Variants in FAM227B observed in about 807,000 individuals in gnomAD.
The protein encoded by FAM227B is family with sequence similarity 227 member B.
In FAM227B, 88 loss-of-function variants were observed where a neutral mutation model predicts 73.8. That is an observed-to-expected ratio of 1.19 (90% confidence interval 1.00 to 1.42). The LOEUF (loss-of-function observed/expected upper bound fraction) is 1.42, where lower values mean the gene tolerates loss of function less well. Ranked by LOEUF, FAM227B falls within the 40% of genes most tolerant of loss-of-function variation. The pLI is 0.00. For synonymous variants in FAM227B, 210 were observed against 190.5 expected, an observed-to-expected ratio of 1.10 and a Z score of -0.84; for missense variants, 632 against 590.9, an observed-to-expected ratio of 1.07 and a Z score of -0.72.
chr15:49,510,176 C>T (rs1365191657), intron 10 of FAM227B, among the ~76,000 whole-genome samples: 1 of 152,110 alleles, frequency 6.6e-6, no homozygotes, highest in African/African-American at 2.4e-5. Flanking sequence ...ACCATCCTAT[C>T]CCATTATCAC....
intron 11 of FAM227B, among the ~76,000 whole-genome samples, chr15:49,430,440 A>C (rs1483611740): frequency 1.3e-5 from 2 of 151,888 alleles, no homozygotes; most frequent in Non-Finnish European, 2.9e-5. Flanking sequence ...CAGAGGTTTA[A>C]GGAGACAACC....
At chr15:49,421,165 C>G (rs1337298414) in intron 11 of FAM227B, among the ~76,000 whole-genome samples, 3 of 152,180 alleles carry the variant, frequency 2.0e-5, no homozygotes, top group Non-Finnish European at 4.4e-5. Flanking sequence ...TAACTTAAAA[C>G]ATCCAGAGGG....
At chr15:49,488,355 A>G (rs1440128302) in intron 11 of FAM227B, 2 of 151,978 alleles carry the variant, frequency 1.3e-5, no homozygotes, top group Non-Finnish European at 2.9e-5. Flanking sequence ...TCAGGGACAC[A>G]TATACTCCCA....
intron 5 of FAM227B, among the ~76,000 whole-genome samples, chr15:49,584,280 T>C (rs2076005313): frequency 6.6e-6 from 1 of 152,178 alleles, no homozygotes; most frequent in Non-Finnish European, 1.5e-5. Context: ...ATTATCTCAA[T>C]AGATGCAGAA....
intron 1 of FAM227B, among the ~76,000 whole-genome samples, chr15:49,618,370 G>GA (rs1299700242): frequency 2.6e-5 from 4 of 151,920 alleles, no homozygotes; most frequent in Admixed American, 6.6e-5. Flanking sequence ...TATCTGTAAG[G>GA]AAAAAAAATC....
At chr15:49,410,518 G>A (rs986686461) in intron 11 of FAM227B, among the ~76,000 whole-genome samples, 2 of 151,958 alleles carry the variant, frequency 1.3e-5, no homozygotes, top group African/African-American at 4.8e-5. Context: ...CATAAGTTGT[G>A]TCATTTCAAT....
At chr15:49,558,896 A>G (rs1235746756) in intron 9 of FAM227B, among the ~76,000 whole-genome samples, 1 of 152,060 alleles carries the variant, frequency 6.6e-6, no homozygotes, top group Non-Finnish European at 1.5e-5. Context: ...ACCAGAACCA[A>G]AACTCACTCA....
At chr15:49,461,709 G>A (rs535021074) in intron 11 of FAM227B, among the ~76,000 whole-genome samples, 1 of 152,220 alleles carries the variant, frequency 6.6e-6, no homozygotes, top group South Asian at 2.1e-4. Context: ...TTATTTTTTT[G>A]AGGAAAAATT....
chr15:49,595,810 G>T (rs1349510775), intron 3 of FAM227B, among the ~76,000 whole-genome samples: 1 of 151,690 alleles, frequency 6.6e-6, no homozygotes, highest in Non-Finnish European at 1.5e-5. Flanking sequence ...TTAGAAAAAC[G>T]CAAAAGACAT....
intron 13 of FAM227B, among the ~76,000 whole-genome samples, chr15:49,350,615 T>C (rs977428186): frequency 4.6e-5 from 7 of 152,186 alleles, no homozygotes; most frequent in African/African-American, 9.7e-5. Context: ...AAATGGTTCA[T>C]CTCTTAAAAC....
intron 9 of FAM227B, among the ~76,000 whole-genome samples, chr15:49,567,398 G>T (rs1322137589): frequency 2.0e-5 from 3 of 152,026 alleles, no homozygotes; most frequent in Non-Finnish European, 4.4e-5. Context: ...AGCATATTCT[G>T]GACATGAAGC....
intron 11 of FAM227B, among the ~76,000 whole-genome samples, chr15:49,426,028 T>C: frequency 6.6e-6 from 1 of 151,602 alleles, no homozygotes; most frequent in South Asian, 2.1e-4. Flanking sequence ...CAATATTATA[T>C]ATTATCATGG....
At chr15:49,586,008 C>T (rs933357771) in intron 5 of FAM227B, among the ~76,000 whole-genome samples, 3 of 152,094 alleles carry the variant, frequency 2.0e-5, no homozygotes, top group Admixed American at 6.6e-5. Context: ...TCACATTATT[C>T]ACAGAACTAG....
intron 11 of FAM227B, among the ~76,000 whole-genome samples, chr15:49,407,614 C>T (rs888679033): frequency 3.4e-5 from 5 of 148,042 alleles, no homozygotes; most frequent in Admixed American, 6.8e-5. Context: ...GTCCCTCATT[C>T]GTACTAATAT....
intron 11 of FAM227B, among the ~76,000 whole-genome samples, chr15:49,432,971 T>C (rs1348363043): frequency 6.6e-6 from 1 of 151,684 alleles, no homozygotes; most frequent in African/African-American, 2.4e-5. Context: ...GAAAAATTCT[T>C]ACTGTATATA....
chr15:49,595,294 T>A (rs1259770899), intron 3 of FAM227B, among the ~76,000 whole-genome samples: 1 of 152,116 alleles, frequency 6.6e-6, no homozygotes, highest in Non-Finnish European at 1.5e-5. Context: ...TACACTGATA[T>A]TGTATCCTGA....
At chr15:49,431,678 G>A (rs2151790013) in intron 11 of FAM227B, among the ~76,000 whole-genome samples, 1 of 151,722 alleles carries the variant, frequency 6.6e-6, no homozygotes, top group African/African-American at 2.4e-5. Context: ...TAAAAATAAA[G>A]AGGAAGAAAA....
At chr15:49,595,204 T>C (rs2076819950) in intron 3 of FAM227B, among the ~76,000 whole-genome samples, 1 of 151,928 alleles carries the variant, frequency 6.6e-6, no homozygotes, top group East Asian at 1.9e-4. Flanking sequence ...TTTAATTTAA[T>C]TAATTGTAAA....
At chr15:49,360,097 G>A (rs980387730) in intron 13 of FAM227B, among the ~76,000 whole-genome samples, 1 of 118,502 alleles carries the variant, frequency 8.4e-6, no homozygotes, top group Non-Finnish European at 1.7e-5. Context: ...TGTGGGGTGG[G>A]GGGAGGGGGG....
Sources: gnomAD v4.1 joint callset for allele counts (sites outside exome capture counted in the v4.1 genomes callset) on GRCh38, gnomAD v4.1.1 for gene constraint, MANE v1.5 for transcripts, NCBI Gene and HGNC (gene_info 2026-07-23, HGNC 2026-07-21) for gene names.